NCOA7: variants seen among roughly 807,000 people sequenced by gnomAD.
NCOA7 encodes the protein 140 kDa estrogen receptor-associated protein.
A neutral mutation model predicts 104.3 loss-of-function variants in NCOA7; 45 were observed. The ratio of observed to expected loss-of-function variants is 0.43; its 90% CI spans 0.34 to 0.55. NCOA7 has a LOEUF of 0.55. Ranked by LOEUF, NCOA7 falls within the 20% of genes least tolerant of loss-of-function variation. The pLI, the probability that NCOA7 is intolerant of heterozygous loss-of-function variation, is 0.02. For missense variants in NCOA7, 1,041 were observed against 1,119.7 expected (o/e 0.93, Z 1.00); for synonymous variants, 398 against 402.3 (o/e 0.99, Z 0.13).
At chr6:125,879,413 A>G (rs934766566) in intron 5 of NCOA7, among the ~76,000 whole-genome samples, 1 of 152,246 alleles carries the variant, frequency 6.6e-6, no homozygotes, top group African/African-American at 2.4e-5. Flanking sequence ...TGCATTAATT[A>G]TATGGAAACT....
At chr6:125,813,159 A>C (rs1018729110) in intron 1 of NCOA7, among the ~76,000 whole-genome samples, 1 of 152,182 alleles carries the variant, frequency 6.6e-6, no homozygotes, top group African/African-American at 2.4e-5. Context: ...GTTTTATCTC[A>C]TGGACCAGCT....
chr6:125,927,397 A>G (rs1000330050), intron 13 of NCOA7, among the ~76,000 whole-genome samples: 1 of 152,218 alleles, frequency 6.6e-6, no homozygotes, highest in Admixed American at 6.5e-5. Context: ...AATTGGAACA[A>G]ATTGTTGGCC....
chr6:125,822,532 C>G (rs543150641), intron 2 of NCOA7, among the ~76,000 whole-genome samples: 21 of 152,262 alleles, frequency 1.4e-4, no homozygotes, highest in Middle Eastern at 3.4e-3. Flanking sequence ...GGGCCTGAGC[C>G]CCAAATCCCT....
intron 10 of NCOA7, among the ~76,000 whole-genome samples, chr6:125,896,778 C>G (rs1420920124): frequency 2.0e-5 from 3 of 152,152 alleles, no homozygotes; most frequent in African/African-American, 7.2e-5. Flanking sequence ...GACAAAAGAG[C>G]AAGACCCTGT....
chr6:125,896,012 A>T (rs1444106148), intron 10 of NCOA7, among the ~76,000 whole-genome samples: 2 of 147,822 alleles, frequency 1.4e-5, no homozygotes, highest in East Asian at 1.9e-4. Context: ...TATATATATA[A>T]AATATATATA....
chr6:125,787,490 C>A (rs957702986), upstream of NCOA7, among the ~76,000 whole-genome samples: 1 of 152,170 alleles, frequency 6.6e-6, no homozygotes, highest in East Asian at 1.9e-4. Flanking sequence ...AAACAAATGG[C>A]GGAGTGAAGT....
chr6:125,895,989 GTC>G (rs1491315742), intron 10 of NCOA7, among the ~76,000 whole-genome samples: 4 of 143,460 alleles, frequency 2.8e-5, no homozygotes, highest in African/African-American at 1.1e-4. Context: ...GTGTGTGTGT[GTC>G]TGTGTGTGTA....
intron 11 of NCOA7, among the ~76,000 whole-genome samples, chr6:125,917,979 A>G (rs557257309): frequency 7.2e-5 from 11 of 152,316 alleles, no homozygotes; most frequent in African/African-American, 2.6e-4. Flanking sequence ...AGTAAGGTCA[A>G]TTTCTAGTCT....
At chr6:125,885,461 G>T in intron 8 of NCOA7, 118 bp downstream of exon 8, 1 of 938,012 alleles carries the variant, frequency 1.1e-6, no homozygotes, top group Non-Finnish European at 1.6e-6. Flanking sequence ...GAAGATGGAA[G>T]ACTTGTGCAC....
chr6:125,871,234 G>T (rs771470125), intron 3 of NCOA7, among the ~76,000 whole-genome samples: 62 of 152,322 alleles, frequency 4.1e-4, no homozygotes, highest in Admixed American at 1.3e-3. Flanking sequence ...GAAGACAGTT[G>T]CCCTCTTTGG....
In NCOA7 at chr6:125,889,240, G is replaced by T. The variant is rs1232071252; in HGVS notation, c.1186G>T (p.Asp396Tyr). 1 of 1,613,902 alleles carries T rather than the reference G, an allele frequency of 6.2e-7. No individual in the cohort carries two copies. The highest frequency in any genetic ancestry group is 8.5e-7 in the Non-Finnish European group (1 of 1,179,990). Residue 396 changes from aspartate to tyrosine, a missense_variant, in exon 9 of 16, where the codon GAC becomes TAC. Coordinates refer to ENST00000392477, the MANE Select transcript of NCOA7 (RefSeq NM_181782.5). ...TVTKLSKEPS[D>Y]TSSAFESTAK... ...GACTAAGCTCAGCAAGGAACCTTCC[G>T]ACACTTCTTCTGCATTTGAATCTAC...
chr6:125,881,791 G>A (rs1363116401), intron 6 of NCOA7, among the ~76,000 whole-genome samples: 5 of 149,010 alleles, frequency 3.4e-5, no homozygotes, highest in Non-Finnish European at 5.9e-5. Flanking sequence ...AAAACAAATT[G>A]AGTCATGAGT....
intron 10 of NCOA7, among the ~76,000 whole-genome samples, chr6:125,897,970 T>A (rs1428194629): frequency 6.6e-6 from 1 of 152,224 alleles, no homozygotes; most frequent in South Asian, 2.1e-4. Flanking sequence ...TGAGCCACCA[T>A]GCCCAGCCCC....
intron 1 of NCOA7, among the ~76,000 whole-genome samples, chr6:125,808,584 G>T (rs1776677039): frequency 6.6e-6 from 1 of 152,078 alleles, no homozygotes; most frequent in Non-Finnish European, 1.5e-5. Context: ...CCCTCCCTCT[G>T]TTTTCTTACC....
intron 1 of NCOA7, among the ~76,000 whole-genome samples, chr6:125,814,862 A>G (rs770414270): frequency 2.0e-5 from 3 of 152,216 alleles, no homozygotes; most frequent in Non-Finnish European, 4.4e-5. Context: ...TTTTAAAAAA[A>G]CATTCTTGTA....
At chr6:125,818,114 TTTC>T (rs982397443) in intron 2 of NCOA7, among the ~76,000 whole-genome samples, 6 of 151,234 alleles carry the variant, frequency 4.0e-5, no homozygotes, top group African/African-American at 1.5e-4. Flanking sequence ...TCCTCCTTAC[TTTC>T]TTCTTCTTTC....
chr6:125,811,326 T>C (rs150956007), intron 1 of NCOA7, among the ~76,000 whole-genome samples: 12 of 152,344 alleles, frequency 7.9e-5, no homozygotes, highest in African/African-American at 2.9e-4. Flanking sequence ...ATTTTCTGCC[T>C]ACTTATGTGC....
chr6:125,873,729 T>C (rs1410953936), intron 3 of NCOA7, among the ~76,000 whole-genome samples: 2 of 152,232 alleles, frequency 1.3e-5, no homozygotes, highest in Admixed American at 1.3e-4. Flanking sequence ...ACTGAACAGT[T>C]TACATTCCTT....
At chr6:125,795,183 A>G (rs1021797912) in intron 1 of NCOA7, among the ~76,000 whole-genome samples, 6 of 152,184 alleles carry the variant, frequency 3.9e-5, no homozygotes, top group Admixed American at 6.5e-5. Flanking sequence ...GGCCTTTCTC[A>G]AGGGTCAGTC....
Sources: gnomAD v4.1 joint callset for allele counts (sites outside exome capture counted in the v4.1 genomes callset) on GRCh38, gnomAD v4.1.1 for gene constraint, MANE v1.5 for transcripts, NCBI Gene and HGNC (gene_info 2026-07-23, HGNC 2026-07-21) for gene names.